Variants in KIF15 observed in about 807,000 individuals in gnomAD.
KIF15 encodes kinesin-like protein KIF15.
A neutral mutation model predicts 190.6 loss-of-function variants in KIF15; 140 were observed. The observed-to-expected ratio is 0.73, with a 90% CI of 0.64 to 0.84. KIF15 has a LOEUF of 0.84. Among genes scored for constraint, KIF15 ranks in the 40% least tolerant of loss-of-function variants. KIF15 has a pLI of 0.00. For synonymous variants in KIF15, 528 were observed against 551.3 expected, an observed-to-expected ratio of 0.96 and a Z score of 0.59; for missense variants, 1,372 against 1,584.4, an observed-to-expected ratio of 0.87 and a Z score of 2.28.
rs781659348 is a variant in KIF15 at position 44,851,866 on chromosome 3, A to C, written c.3886A>C (p.Thr1296Pro). ...RMTDEVERTQTLESKAFQEKE... is the reference protein window; with the variant it reads ...RMTDEVERTQPLESKAFQEKE... The stretch of plus-strand genomic sequence containing the variant: ...GACTGATGAAGTCGAACGAACCCAA[A>C]CTTTGGAGTCTAAAGCATTCCAGGA... Residue 1296 changes from threonine to proline, a missense_variant, in exon 33 of 35, where the codon ACT (threonine) becomes CCT (proline). Transcript: ENST00000326047. The C allele has an allele frequency of 8.1e-6, 13 of 1,614,080 alleles. No individual in the cohort carries two copies. The highest frequency in any genetic ancestry group is 1.6e-4 in the Middle Eastern group (1 of 6,062).
chr3:44,862,218 G>T, intron 6 of KIF15: 1 of 635,502 alleles, frequency 1.6e-6, no homozygotes, highest in South Asian at 6.8e-5. Flanking sequence ...TCTTGGGGTG[G>T]GGCGGGGGTG....
At chr3:44,819,685 T>A in intron 20 of KIF15, among the ~76,000 whole-genome samples, 1 of 152,220 alleles carries the variant, frequency 6.6e-6, no homozygotes, top group East Asian at 1.9e-4. Flanking sequence ...AATTTTGGAA[T>A]AAGTGCGATG....
At chr3:44,777,173 T>A (rs1705930887) in intron 3 of KIF15, among the ~76,000 whole-genome samples, 1 of 151,950 alleles carries the variant, frequency 6.6e-6, no homozygotes, top group Non-Finnish European at 1.5e-5. Flanking sequence ...AAATTTTAAA[T>A]TTTTTGTAGA....
chr3:44,829,471 TATA>T lies in KIF15; in HGVS notation c.2944-496_2944-494del, dbSNP rs1333976374. 4.4e-5 allele frequency among the ~76,000 whole-genome samples: 6 copies of T among 137,016 alleles called. No homozygotes were observed. The East Asian group carries it at 8.0e-4, about 18-fold the overall frequency. The allele number at this position is 137,016 out of a possible 152,430, so 89.9% of individuals were successfully genotyped here. On this transcript the variant is annotated intron_variant, in intron 24 of 34. Coordinates refer to ENST00000326047, the MANE Select transcript of KIF15 (RefSeq NM_020242.3). ...TATACGCATATATAATATATATGTA[TATA>T]ATATGTGTATATAATATATGCATAT...
At chr3:44,830,875 G>A (rs762532564) in intron 25 of KIF15, 21 bp from the exon 26 acceptor site, 1 of 1,604,826 alleles carries the variant, frequency 6.2e-7, no homozygotes, top group Non-Finnish European at 8.5e-7. Flanking sequence ...GGCTCTTATA[G>A]CATGACTTTC....
At chr3:44,856,855 A>G (rs1011792481), downstream of KIF15, among the ~76,000 whole-genome samples, 3 of 152,170 alleles carry the variant, frequency 2.0e-5, no homozygotes, top group Non-Finnish European at 4.4e-5. Flanking sequence ...GGTGCAGGAT[A>G]TGGAAGGCAT....
chr3:44,767,019 C>T (rs1705416638), intron 1 of KIF15, among the ~76,000 whole-genome samples: 1 of 151,914 alleles, frequency 6.6e-6, no homozygotes, highest in Non-Finnish European at 1.5e-5. Flanking sequence ...ACCGTGTTAG[C>T]CAGGGTGGTC....
Position 44,830,897 on chromosome 3 carries a change from G to A in KIF15, c.3050G>A (p.Cys1017Tyr). 1.9e-6 allele frequency: 3 copies of A among 1,612,614 alleles called. No individual in the cohort carries two copies. Among genetic ancestry groups the A allele is most frequent in the Non-Finnish European group, 2.5e-6 (3 of 1,179,608 alleles). Residue 1017 changes from cysteine to tyrosine, a missense_variant and splice_region_variant, in exon 26 of 35, where the codon TGC (cysteine) becomes TAC (tyrosine). By Grantham distance (194) the Cys-to-Tyr change is radical (BLOSUM62 -2). Transcript: ENST00000326047. The part of the protein sequence containing the change: ...TLKQELKDIN[C>Y]KYNSALVDRE... ...ATAGCATGACTTTCTTTTCTACAGT[G>A]CAAATACAACTCTGCTTTGGTTGAC...
At chr3:44,840,834 A>G (rs79844234) in intron 28 of KIF15, among the ~76,000 whole-genome samples, 3 of 89,852 alleles carry the variant, frequency 3.3e-5, no homozygotes, top group Non-Finnish European at 6.4e-5. Context: ...ACGCCTGGCT[A>G]ATTTTTTTTT....
At chr3:44,795,508 C>T (rs977395253) in intron 8 of KIF15, among the ~76,000 whole-genome samples, 3 of 152,122 alleles carry the variant, frequency 2.0e-5, no homozygotes, top group African/African-American at 4.8e-5. Context: ...TTTATAGAAA[C>T]TTAGTCATCT....
Position 44,805,987 on chromosome 3 carries a change from G to A in KIF15, c.1971+1G>A, listed in dbSNP as rs746377702. 3 of 1,613,036 alleles carry A rather than the reference G, an allele frequency of 1.9e-6. No homozygotes were observed. Among genetic ancestry groups the A allele is most frequent in the African/African-American group, 1.3e-5 (1 of 74,828 alleles). ...TAAAATTCATGCTGAAACACTTAAG[G>A]TAGGTCATCTGAACAATACCTCCAC... On this transcript the variant is annotated splice_donor_variant, in intron 16 of 34. Coordinates refer to ENST00000326047, the MANE Select transcript of KIF15 (RefSeq NM_020242.3). LOFTEE classifies it high-confidence loss of function.
At chr3:44,850,119 T>C (rs1699009884) in intron 32 of KIF15, among the ~76,000 whole-genome samples, 1 of 152,212 alleles carries the variant, frequency 6.6e-6, no homozygotes, top group Non-Finnish European at 1.5e-5. Context: ...TTGAACTTTA[T>C]GCAAGTAAAT....
chr3:44,821,754 T>C (rs1697339524), intron 20 of KIF15, among the ~76,000 whole-genome samples: 1 of 152,088 alleles, frequency 6.6e-6, no homozygotes, highest in African/African-American at 2.4e-5. Context: ...TCTCGGCACT[T>C]TGGGAGGCCA....
At chr3:44,836,960 G>A (rs1698352538) in intron 26 of KIF15, among the ~76,000 whole-genome samples, 1 of 152,150 alleles carries the variant, frequency 6.6e-6, no homozygotes, top group South Asian at 2.1e-4. Context: ...GAGGGGCCTG[G>A]CATCTCATTT....
At chr3:44,861,568 G>A (rs1325904270) in intron 6 of KIF15, among the ~76,000 whole-genome samples, 1 of 152,064 alleles carries the variant, frequency 6.6e-6, no homozygotes, top group Non-Finnish European at 1.5e-5. Flanking sequence ...CCGGCGCGGG[G>A]CCCGTTAGGC....
chr3:44,807,009 G>T (rs1211494672), intron 16 of KIF15, among the ~76,000 whole-genome samples: 1 of 152,000 alleles, frequency 6.6e-6, no homozygotes, highest in Non-Finnish European at 1.5e-5. Flanking sequence ...CTCCCAAAGT[G>T]CTAGGATTAC....
intron 30 of KIF15, among the ~76,000 whole-genome samples, chr3:44,846,123 T>C (rs1243150035): frequency 6.6e-6 from 1 of 152,170 alleles, no homozygotes; most frequent in Non-Finnish European, 1.5e-5. Flanking sequence ...GTTATGGCAG[T>C]GGCAGAAGGT....
At position 44,801,895 on chromosome 3, in the gene KIF15, C is replaced by T. The variant is rs1160470985; in HGVS notation, c.1430C>T (p.Ser477Phe). The T allele has an allele frequency of 3.7e-6, 6 of 1,613,652 alleles. No individual in the cohort carries two copies. The highest frequency in any genetic ancestry group is 5.1e-6 in the Non-Finnish European group (6 of 1,179,778). ...CGCTTGGAAAAGCTCCACAAGGAATCCCGGGGAGGTTTTCTGCCTGAGGAG... is the reference window on the plus strand; with the variant it reads ...CGCTTGGAAAAGCTCCACAAGGAATTCCGGGGAGGTTTTCTGCCTGAGGAG... ...IIRLEKLHKE[S>F]RGGFLPEEQD... Residue 477 changes from serine to phenylalanine, a missense_variant, in exon 13 of 35, where the codon TCC becomes TTC. By Grantham distance (155) the Ser-to-Phe change is radical (BLOSUM62 -2). Coordinates refer to ENST00000326047, the MANE Select transcript of KIF15 (RefSeq NM_020242.3).
intron 1 of KIF15, among the ~76,000 whole-genome samples, chr3:44,766,807 C>CTTTTTTTTTTTTTTTTT (rs766382105): frequency 1.1e-4 from 13 of 118,544 alleles, no homozygotes; most frequent in Non-Finnish European, 1.8e-4. Context: ...TTCTTTCTTT[C>CTTTTTTTTTTTTTTTTT]TTTTTTTTTT....
Sources: gnomAD v4.1 joint callset for allele counts (sites outside exome capture counted in the v4.1 genomes callset) on GRCh38, gnomAD v4.1.1 for gene constraint, MANE v1.5 for transcripts, NCBI Gene and HGNC (gene_info 2026-07-23, HGNC 2026-07-21) for gene names.